The following ZNF148 variants were observed in gnomAD, a reference collection of about 807,000 sequenced individuals.
ZNF148 encodes Beta-Enolase Repressor Factor-1.
A neutral mutation model predicts 67.7 loss-of-function variants in ZNF148; 7 were observed. That is an observed-to-expected ratio of 0.10 (90% CI 0.06 to 0.19). ZNF148 has a LOEUF of 0.19. Among genes scored for constraint, ZNF148 ranks in the 10% least tolerant of loss-of-function variants. The pLI, the probability that ZNF148 is intolerant of heterozygous loss-of-function variation, is 1.00. For missense variants in ZNF148, 583 were observed against 947.1 expected (o/e 0.62, Z 5.05); for synonymous variants, 333 against 330.7 (o/e 1.01, Z -0.08).
At chr3:125,282,175 A>G (rs1560138305) in intron 5 of ZNF148, among the ~76,000 whole-genome samples, 1 of 152,176 alleles carries the variant, frequency 6.6e-6, no homozygotes, top group Admixed American at 6.5e-5. Flanking sequence ...ATCCCTTAGC[A>G]GAACACAAAT....
At chr3:125,287,972 A>AC (rs944008446) in intron 5 of ZNF148, 131 bp downstream of exon 5, 28 of 1,281,138 alleles carry the variant, frequency 2.2e-5, no homozygotes, top group Non-Finnish European at 2.2e-5. Context: ...CCATGCAGGC[A>AC]CGCACCCCCT....
At chr3:125,356,135 T>A (rs1942334809) in intron 1 of ZNF148, among the ~76,000 whole-genome samples, 1 of 152,218 alleles carries the variant, frequency 6.6e-6, no homozygotes, top group Admixed American at 6.5e-5. Flanking sequence ...CACTGGGTAA[T>A]ATACTCAAGT....
chr3:125,338,366 A>C (rs1407978187), intron 1 of ZNF148, among the ~76,000 whole-genome samples: 1 of 152,184 alleles, frequency 6.6e-6, no homozygotes, highest in African/African-American at 2.4e-5. Context: ...TTATTACATA[A>C]AGTTACTGTA....
At chr3:125,345,598 A>ACAG (rs1337921990) in intron 1 of ZNF148, among the ~76,000 whole-genome samples, 52 of 151,906 alleles carry the variant, frequency 3.4e-4, no homozygotes, top group African/African-American at 1.1e-3. Context: ...AACAACAACA[A>ACAG]CAAAAAAAGA....
At chr3:125,353,125 A>G (rs1461633282) in intron 1 of ZNF148, among the ~76,000 whole-genome samples, 2 of 152,242 alleles carry the variant, frequency 1.3e-5, no homozygotes, top group African/African-American at 4.8e-5. Context: ...CTCTTTATTC[A>G]TAATAACAAA....
In ZNF148 at chr3:125,351,903, G is replaced by A. The variant is rs370294004; in HGVS notation, c.-233-20665C>T. Among the ~76,000 whole-genome samples the A allele has an allele frequency of 1.1e-4, 17 of 152,268 alleles. No homozygotes were observed. In the East Asian group the frequency reaches 3.3e-3, roughly 29 times the overall value. Reference sequence around the variant, plus strand: ...AAAAGACAGTATGAAGTGTTATCAAGGATATGGAGAAACTGGAACCCTCAT... The same window carrying A: ...AAAAGACAGTATGAAGTGTTATCAAAGATATGGAGAAACTGGAACCCTCAT... On this transcript the variant is annotated intron_variant, in intron 1 of 8. Coordinates refer to ENST00000360647, the MANE Select transcript of ZNF148 (RefSeq NM_021964.3).
rs751474110 is a variant in ZNF148 at position 125,225,966 on chromosome 3, C to G, written c.*6375G>C. On this transcript the variant is annotated 3_prime_UTR_variant, in exon 9 of 9. Transcript: ENST00000360647. The stretch of plus-strand genomic sequence containing the variant: ...CAGACAACTTTCTTACAATGCATCC[C>G]GCTGGTCACAAGCTAGGGTACTGGC... 6.6e-6 allele frequency: 1 copy of G among 152,176 alleles called. No homozygotes were observed. Among genetic ancestry groups the G allele is most frequent in the African/African-American group, 2.4e-5 (1 of 41,388 alleles). 9.4% of individuals were successfully genotyped at this position (152,176 alleles called of 1,614,324 possible).
At chr3:125,267,750 A>C (rs1937566522) in intron 7 of ZNF148, among the ~76,000 whole-genome samples, 1 of 152,230 alleles carries the variant, frequency 6.6e-6, no homozygotes, top group Admixed American at 6.5e-5. Flanking sequence ...AGGGAAAGAA[A>C]TAAAAGACAT....
chr3:125,251,581 T>A (rs1196991143), intron 7 of ZNF148, among the ~76,000 whole-genome samples: 1 of 152,222 alleles, frequency 6.6e-6, no homozygotes, highest in Non-Finnish European at 1.5e-5. Flanking sequence ...TTCACATGAA[T>A]GGAATTATAT....
intron 2 of ZNF148, among the ~76,000 whole-genome samples, chr3:125,329,081 T>C (rs898380363): frequency 1.3e-5 from 2 of 150,754 alleles, no homozygotes; most frequent in African/African-American, 2.4e-5. Flanking sequence ...TGGGGAAGGG[T>C]TGGAAAGCCT....
chr3:125,313,593 G>A lies in ZNF148; in HGVS notation c.48C>T (p.Gly16=). 2 of 1,614,096 alleles carry A rather than the reference G, an allele frequency of 1.2e-6. No individual in the cohort carries two copies. Among genetic ancestry groups the A allele is most frequent in the Non-Finnish European group, 1.7e-6 (2 of 1,179,940 alleles). ...TCCTGGAAGACTGCATTTCGTCTAT[G>A]CCGCCACATTTAAGAAACAATCCTT... ...KLEGLFLKCG[G]IDEMQSSRTM... Residue 16 remains glycine (G), a synonymous_variant, in exon 4 of 9, where the codon GGC becomes GGT. Transcript: ENST00000360647.
intron 1 of ZNF148, among the ~76,000 whole-genome samples, chr3:125,352,853 G>A (rs552089229): frequency 5.3e-5 from 8 of 152,044 alleles, no homozygotes; most frequent in South Asian, 4.1e-4. Flanking sequence ...CACTCTACTC[G>A]ATAAGACTCA....
chr3:125,258,088 A>C (rs770812045), intron 7 of ZNF148, among the ~76,000 whole-genome samples: 1 of 150,160 alleles, frequency 6.7e-6, no homozygotes, highest in Non-Finnish European at 1.5e-5. Flanking sequence ...TCATACTGTT[A>C]ATTTCATATA....
chr3:125,275,274 C>T (rs1474690506), intron 7 of ZNF148, among the ~76,000 whole-genome samples: 1 of 152,174 alleles, frequency 6.6e-6, no homozygotes, highest in African/African-American at 2.4e-5. Flanking sequence ...CCTCTCAACT[C>T]CTTATCTTCT....
In ZNF148 at chr3:125,317,658, T is replaced by TAGAGAGAGAGAGAGAGAGAG. The variant is rs796905351; in HGVS notation, c.-16-4003_-16-4002insCTCTCTCTCTCTCTCTCTCT. ...GTAAGATCTTTTATATATATATATA[T>TAGAGAGAGAGAGAGAGAGAG]ATATAGAGAGAGAGAGAGAGAAATA... On this transcript the variant is annotated intron_variant, in intron 3 of 8. Transcript: ENST00000360647. Among the ~76,000 whole-genome samples, 220 of 27,932 alleles carry TAGAGAGAGAGAGAGAGAGAG rather than the reference T, an allele frequency of 7.9e-3. 1 individual carries two copies. The highest frequency in any genetic ancestry group is 0.012 in the East Asian group (10 of 866). 18.3% of individuals were successfully genotyped at this position (27,932 alleles called of 152,430 possible). A position where few individuals can be genotyped will look rare whatever the true frequency, so the allele number is the denominator to read the frequency against.
intron 1 of ZNF148, among the ~76,000 whole-genome samples, chr3:125,369,831 C>T (rs1488044960): frequency 6.6e-6 from 1 of 152,048 alleles, no homozygotes; most frequent in Admixed American, 6.5e-5. Context: ...CAAAAATTAG[C>T]TGAGCATGGT....
At chr3:125,365,615 G>C (rs1234015003) in intron 1 of ZNF148, among the ~76,000 whole-genome samples, 1 of 152,138 alleles carries the variant, frequency 6.6e-6, no homozygotes, top group Non-Finnish European at 1.5e-5. Context: ...CCAAGAGTTT[G>C]AGATCAGCCC....
chr3:125,322,759 C>T (rs1940840203), intron 3 of ZNF148, among the ~76,000 whole-genome samples: 1 of 152,160 alleles, frequency 6.6e-6, no homozygotes, highest in African/African-American at 2.4e-5. Flanking sequence ...GCCTCTGTCA[C>T]AGTAGCCAAG....
intron 3 of ZNF148, among the ~76,000 whole-genome samples, chr3:125,318,416 G>C (rs903171881): frequency 4.6e-5 from 7 of 152,158 alleles, no homozygotes; most frequent in East Asian, 3.8e-4. Context: ...TGGAAAGTCA[G>C]GGGCTAGGGA....
Sources: gnomAD v4.1 joint callset for allele counts (sites outside exome capture counted in the v4.1 genomes callset) on GRCh38, gnomAD v4.1.1 for gene constraint, MANE v1.5 for transcripts, NCBI Gene and HGNC (gene_info 2026-07-23, HGNC 2026-07-21) for gene names.